The following LDLRAD4 variants were observed in gnomAD, a reference collection of about 807,000 sequenced individuals.
LDLRAD4 encodes the protein low density lipoprotein receptor class A domain containing 4, also known as low-density lipoprotein receptor class A domain-containing protein 4.
In LDLRAD4, 5 loss-of-function variants were observed where a neutral mutation model predicts 17.0. The ratio of observed to expected loss-of-function variants is 0.29; its 90% CI spans 0.15 to 0.62. The LOEUF is 0.62. Among genes scored for constraint, LDLRAD4 ranks in the 20% least tolerant of loss-of-function variants. LDLRAD4 has a pLI of 0.84. For synonymous variants in LDLRAD4, 168 were observed against 171.8 expected, an observed-to-expected ratio of 0.98 and a Z score of 0.17; for missense variants, 340 against 424.7, an observed-to-expected ratio of 0.80 and a Z score of 1.75.
intron 1 of LDLRAD4, among the ~76,000 whole-genome samples, chr18:13,315,111 C>T (rs1057364627): frequency 2.0e-5 from 3 of 152,138 alleles, no homozygotes; most frequent in Admixed American, 2.0e-4. Flanking sequence ...CCTGTTAGGT[C>T]CTGACCCCAA....
chr18:13,465,660 A>G (rs184200050), intron 3 of LDLRAD4, among the ~76,000 whole-genome samples: 47 of 152,352 alleles, frequency 3.1e-4, no homozygotes, highest in Non-Finnish European at 2.8e-4. Context: ...TCAGGGTTGT[A>G]TCTGTTGGTG....
At chr18:13,545,100 G>T (rs2094342159) in intron 3 of LDLRAD4, among the ~76,000 whole-genome samples, 3 of 152,114 alleles carry the variant, frequency 2.0e-5, no homozygotes, top group African/African-American at 7.2e-5. Context: ...GTCCTCAGCT[G>T]AGAGAGTGGG....
chr18:13,459,159 C>CAAAAAAAAAAAAAAAAAAAAAAAAAAAA (rs534798084), intron 3 of LDLRAD4, among the ~76,000 whole-genome samples: 1 of 53,736 alleles, frequency 1.9e-5, no homozygotes, highest in Non-Finnish European at 3.6e-5. Context: ...ATCTCTACAC[C>CAAAAAAAAAAAAAAAAAAAAAAAAAAAA]AAAAAAAAAA....
intron 3 of LDLRAD4, among the ~76,000 whole-genome samples, chr18:13,528,160 G>A (rs1202260793): frequency 6.6e-6 from 1 of 152,158 alleles, no homozygotes; most frequent in African/African-American, 2.4e-5. Flanking sequence ...CCCTGAGAGT[G>A]GGGGCTCTTC....
At position 13,552,900 on chromosome 18, in the gene LDLRAD4, T is replaced by A. The variant is rs79360093; in HGVS notation, c.182-68217T>A. ...AGTCAGAGTTTGCTGCCCAAAAAAG[T>A]TCCTAGAGTTATTATTGGTTAGGTT... On this transcript the variant is annotated intron_variant, in intron 3 of 5. Coordinates refer to ENST00000359446, the Ensembl canonical transcript of LDLRAD4. Among the ~76,000 whole-genome samples the A allele has an allele frequency of 3.9e-3, 596 of 152,328 alleles. 4 individuals carry two copies. The highest frequency in any genetic ancestry group is 0.014 in the African/African-American group (567 of 41,584).
intron 3 of LDLRAD4, 71 bp downstream of exon 4, chr18:13,438,455 G>A: frequency 8.1e-7 from 1 of 1,233,592 alleles, no homozygotes; most frequent in Non-Finnish European, 1.2e-6. Context: ...TGGGGTCACT[G>A]GGACATGGGA....
chr18:13,606,815 A>G (rs2095228937), intron 3 of LDLRAD4, among the ~76,000 whole-genome samples: 1 of 152,244 alleles, frequency 6.6e-6, no homozygotes, highest in Admixed American at 6.5e-5. Context: ...GCAAAATTTT[A>G]TAGCATAGTC....
rs138804709 is a variant in LDLRAD4, at chr18:13,363,878, G to A, written c.-382-23463G>A. Reference sequence around the variant, plus strand: ...TGGTGGAACTGTAATGCAGCACCACGCTTGGCTTTTTCAGTGCTTGTCAGG... The same window carrying A: ...TGGTGGAACTGTAATGCAGCACCACACTTGGCTTTTTCAGTGCTTGTCAGG... On this transcript the variant is annotated intron_variant, in intron 1 of 5. Coordinates refer to ENST00000359446, the Ensembl canonical transcript of LDLRAD4. Among the ~76,000 whole-genome samples, 69 of 152,268 alleles carry A rather than the reference G, an allele frequency of 4.5e-4. 2 individuals carry two copies. The East Asian group carries it at 0.012, about 26-fold the overall frequency.
At chr18:13,302,357 A>C (rs545467771) in intron 1 of LDLRAD4, among the ~76,000 whole-genome samples, 2 of 152,342 alleles carry the variant, frequency 1.3e-5, no homozygotes, top group East Asian at 3.9e-4. Context: ...ATTAGTTTTC[A>C]GCAGCTCTGT....
chr18:13,453,408 T>TA (rs1343170680), intron 3 of LDLRAD4, among the ~76,000 whole-genome samples: 2 of 152,116 alleles, frequency 1.3e-5, no homozygotes, highest in Non-Finnish European at 2.9e-5. Flanking sequence ...AGGAATGAGT[T>TA]AAAATCAAGA....
chr18:13,295,019 C>T (rs974078702), intron 1 of LDLRAD4, among the ~76,000 whole-genome samples: 1 of 152,098 alleles, frequency 6.6e-6, no homozygotes, highest in Non-Finnish European at 1.5e-5. Flanking sequence ...AAAGGTCATG[C>T]GTTGGATTCA....
intron 2 of LDLRAD4, among the ~76,000 whole-genome samples, chr18:13,410,088 A>T (rs1009617749): frequency 1.3e-5 from 2 of 152,168 alleles, no homozygotes; most frequent in Non-Finnish European, 2.9e-5. Flanking sequence ...CACAGACCCA[A>T]ATCGAAGGAC....
At chr18:13,574,614 G>A (rs370334726) in intron 3 of LDLRAD4, among the ~76,000 whole-genome samples, 2 of 152,128 alleles carry the variant, frequency 1.3e-5, no homozygotes, top group Admixed American at 6.5e-5. Context: ...GAGAGCCCCC[G>A]GCTTTGACGC....
intron 3 of LDLRAD4, chr18:13,522,859 T>C (rs1289503580): frequency 6.6e-6 from 1 of 152,466 alleles, no homozygotes; most frequent in East Asian, 1.9e-4. Context: ...TTGATAGTGT[T>C]ATCTTAAATG....
chr18:13,322,446 T>G (rs2081307457), intron 1 of LDLRAD4, among the ~76,000 whole-genome samples: 1 of 150,072 alleles, frequency 6.7e-6, no homozygotes. Context: ...ACTACAGGAG[T>G]GTACCACGAC....
chr18:13,463,104 T>C lies in LDLRAD4; in HGVS notation c.181+24720T>C, dbSNP rs551109083. Among the ~76,000 whole-genome samples, 447 of 152,268 alleles carry C rather than the reference T, an allele frequency of 2.9e-3. 4 individuals are homozygous for C. Among genetic ancestry groups the C allele is most frequent in the Non-Finnish European group, 4.8e-3 (324 of 67,980 alleles). On this transcript the variant is annotated intron_variant, in intron 3 of 5. Coordinates refer to ENST00000359446, the Ensembl canonical transcript of LDLRAD4. The stretch of plus-strand genomic sequence containing the variant: ...TCTCCACGAAACAATTGGTGACCCC[T>C]GAAGATGCCACACCGGGTTTCTAGA...
chr18:13,621,530 G>A lies in LDLRAD4; in HGVS notation c.336+259G>A, dbSNP rs1316604913. Among the ~76,000 whole-genome samples, 2 of 152,196 alleles carry A rather than the reference G, an allele frequency of 1.3e-5. No homozygotes were observed. The highest frequency in any genetic ancestry group is 2.1e-4 in the South Asian group (1 of 4,814). ...GGTCTCCCCTGGATCTTTGCTGCCC[G>A]ACGTGGCTTTGCCAGCTTCTGAGCT... On this transcript the variant is annotated intron_variant, in intron 4 of 5. Transcript: ENST00000359446. The surrounding 1 kb of genome is among the most constrained non-coding windows in gnomAD (Gnocchi z 5.5).
At chr18:13,274,539 G>T (rs986812268), upstream of LDLRAD4, among the ~76,000 whole-genome samples, 3 of 152,172 alleles carry the variant, frequency 2.0e-5, no homozygotes, top group African/African-American at 7.2e-5. Context: ...TGCTGCCTGC[G>T]AGGCTAAGCA....
At chr18:13,288,057 A>G (rs552178727) in intron 1 of LDLRAD4, among the ~76,000 whole-genome samples, 1 of 152,378 alleles carries the variant, frequency 6.6e-6, no homozygotes, top group East Asian at 1.9e-4. Context: ...TTCCGTGAAG[A>G]AGGTGGAATG....
Sources: gnomAD v4.1 joint callset for allele counts (sites outside exome capture counted in the v4.1 genomes callset) on GRCh38, gnomAD v4.1.1 for gene constraint, Gnocchi (gnomAD v3.1) non-coding constraint, MANE v1.5 for transcripts, NCBI Gene and HGNC (gene_info 2026-07-23, HGNC 2026-07-21) for gene names.